Variants in PAN3 observed in about 807,000 individuals in gnomAD.
PAN3 encodes PAN2-PAN3 deadenylation complex subunit PAN3.
PAN3 carries 19 observed loss-of-function variants against 96.2 expected under a neutral mutation model. The ratio of observed to expected loss-of-function variants is 0.20; its 90% CI spans 0.14 to 0.29. The LOEUF (loss-of-function observed/expected upper bound fraction) is 0.29. Among genes scored for constraint, PAN3 ranks in the 10% least tolerant of loss-of-function variants. PAN3 has a pLI of 1.00. For missense variants in PAN3, 882 were observed against 1,108.1 expected (o/e 0.80, Z 2.90); for synonymous variants, 433 against 406.6 (o/e 1.06, Z -0.78).
In PAN3 at chr13:28,227,948, A is replaced by G. The variant is rs1162938345; in HGVS notation, c.1000+7570A>G. 2.0e-5 allele frequency among the ~76,000 whole-genome samples: 3 copies of G among 152,228 alleles called. No individual in the cohort carries two copies. In the East Asian group the frequency reaches 5.8e-4, roughly 29 times the overall value. On this transcript the variant is annotated intron_variant, in intron 6 of 18. Transcript: ENST00000380958. Reference sequence around the variant, plus strand: ...GGATGAACTGAGAAGCAGAGAGAACAGGTGTAAATGAATGCCCGAGAATGT... The same window carrying G: ...GGATGAACTGAGAAGCAGAGAGAACGGGTGTAAATGAATGCCCGAGAATGT...
intron 5 of PAN3, among the ~76,000 whole-genome samples, chr13:28,199,642 T>C (rs1000617416): frequency 6.6e-6 from 1 of 151,396 alleles, no homozygotes; most frequent in African/African-American, 2.4e-5. Context: ...TGGAATAGTT[T>C]ATACAAAGCA....
chr13:28,215,485 G>C, intron 5 of PAN3: 1 of 682,592 alleles, frequency 1.5e-6, no homozygotes, highest in East Asian at 2.5e-5. Context: ...GGGGAGTGTT[G>C]CTGTTGACAG....
At chr13:28,165,660 C>T (rs558236404) in intron 1 of PAN3, among the ~76,000 whole-genome samples, 1 of 152,238 alleles carries the variant, frequency 6.6e-6, no homozygotes, top group Non-Finnish European at 1.5e-5. Context: ...TTCATTTCTG[C>T]AGCTCTTAAC....
intron 1 of PAN3, among the ~76,000 whole-genome samples, chr13:28,156,435 A>T (rs1023883077): frequency 6.6e-6 from 1 of 152,174 alleles, no homozygotes; most frequent in African/African-American, 2.4e-5. Flanking sequence ...AACCAGAAAA[A>T]GCCCAGGACC....
chr13:28,277,192 C>T, intron 14 of PAN3, 45 bp from the exon 15 acceptor site: 1 of 1,548,780 alleles, frequency 6.5e-7, no homozygotes, highest in Non-Finnish European at 8.8e-7. Flanking sequence ...TAAATGAGTA[C>T]CTGTGAAATG....
chr13:28,169,194 A>G (rs1255881184), intron 1 of PAN3, among the ~76,000 whole-genome samples: 1 of 144,866 alleles, frequency 6.9e-6, no homozygotes, highest in Non-Finnish European at 1.5e-5. Context: ...AGTATTCTAC[A>G]TGCATTTTCT....
chr13:28,173,023 A>G (rs1291847501), intron 1 of PAN3, among the ~76,000 whole-genome samples: 1 of 152,186 alleles, frequency 6.6e-6, no homozygotes, highest in Non-Finnish European at 1.5e-5. Context: ...GGGGACAGGG[A>G]GTGAAAGTGT....
At chr13:28,259,428 C>T (rs1444254527) in intron 7 of PAN3, among the ~76,000 whole-genome samples, 2 of 151,806 alleles carry the variant, frequency 1.3e-5, no homozygotes, top group Non-Finnish European at 2.9e-5. Context: ...GCCTCAACCT[C>T]CCGAGTAACT....
chr13:28,140,100 A>C (rs566561512), intron 1 of PAN3, among the ~76,000 whole-genome samples: 3 of 152,082 alleles, frequency 2.0e-5, no homozygotes, highest in Non-Finnish European at 4.4e-5. Flanking sequence ...GGCGCGCGCC[A>C]CCACGGCCAG....
At chr13:28,180,688 A>G (rs1461860766) in intron 4 of PAN3, among the ~76,000 whole-genome samples, 1 of 152,202 alleles carries the variant, frequency 6.6e-6, no homozygotes, top group Non-Finnish European at 1.5e-5. Flanking sequence ...TTTCATAGCT[A>G]GTGAGGTAAA....
intron 6 of PAN3, among the ~76,000 whole-genome samples, chr13:28,238,169 A>AC (rs1266384238): frequency 6.6e-6 from 1 of 152,234 alleles, no homozygotes; most frequent in African/African-American, 2.4e-5. Flanking sequence ...ATTTACCAGT[A>AC]CATAGGTTAA....
intron 1 of PAN3, among the ~76,000 whole-genome samples, chr13:28,166,453 G>A (rs1873550981): frequency 6.6e-6 from 1 of 152,192 alleles, no homozygotes; most frequent in Non-Finnish European, 1.5e-5. Flanking sequence ...ACGCCCTTAT[G>A]GCTTTATCTG....
At chr13:28,215,370 A>G in intron 5 of PAN3, 1 of 751,962 alleles carries the variant, frequency 1.3e-6, no homozygotes, top group South Asian at 1.4e-5. Context: ...AGTCAACGTT[A>G]CAACTGAAGT....
chr13:28,257,708 T>A (rs1033305581), intron 7 of PAN3, among the ~76,000 whole-genome samples: 3 of 139,428 alleles, frequency 2.2e-5, no homozygotes, highest in African/African-American at 5.3e-5. Flanking sequence ...ATTATATATA[T>A]TATATATAAT....
Position 28,176,249 on chromosome 13 carries a change from C to T in PAN3, c.553-244C>T, listed in dbSNP as rs533570024. ...TGCCCAGGCTAATAAGTTATGGAAG[C>T]ACAATTCAAAATAGGTCTGTAGCTT... is the stretch of plus-strand genomic sequence containing the variant. On this transcript the variant is annotated intron_variant, in intron 2 of 18. Coordinates refer to ENST00000380958, the MANE Select transcript of PAN3 (RefSeq NM_175854.8). Among the ~76,000 whole-genome samples the T allele has an allele frequency of 1.4e-4, 21 of 152,214 alleles. No individual in the cohort carries two copies. In the South Asian group the frequency reaches 3.9e-3, roughly 29 times the overall value.
intron 6 of PAN3, among the ~76,000 whole-genome samples, chr13:28,243,565 G>A (rs1170353760): frequency 6.6e-6 from 1 of 152,144 alleles, no homozygotes; most frequent in Non-Finnish European, 1.5e-5. Flanking sequence ...GTCTACGGCA[G>A]TGTTTATATT....
intron 1 of PAN3, among the ~76,000 whole-genome samples, chr13:28,159,011 A>T (rs1054584588): frequency 6.6e-6 from 1 of 152,236 alleles, no homozygotes; most frequent in South Asian, 2.1e-4. Flanking sequence ...TTGCAGAGAA[A>T]AGGGAACACT....
intron 15 of PAN3, among the ~76,000 whole-genome samples, chr13:28,279,750 C>T (rs1175337704): frequency 1.3e-5 from 2 of 150,992 alleles, no homozygotes; most frequent in African/African-American, 4.9e-5. Flanking sequence ...TAGAACGAGA[C>T]TCTGTCACCA....
At position 28,143,546 on chromosome 13, in the gene PAN3, T is replaced by C. The variant is rs372002242; in HGVS notation, c.430+4459T>C. ...ACTAGTGAATAAGACATGTTTCAGA[T>C]AGAATCCTGGCTCTTTGACTAGCTT... On this transcript the variant is annotated intron_variant, in intron 1 of 18. Transcript: ENST00000380958. Among the ~76,000 whole-genome samples, 140 of 152,358 alleles carry C rather than the reference T, an allele frequency of 9.2e-4. 4 individuals carry two copies. In the South Asian group the frequency reaches 0.027, roughly 29 times the overall value.
Sources: gnomAD v4.1 joint callset for allele counts (sites outside exome capture counted in the v4.1 genomes callset) on GRCh38, gnomAD v4.1.1 for gene constraint, MANE v1.5 for transcripts, NCBI Gene and HGNC (gene_info 2026-07-23, HGNC 2026-07-21) for gene names.